Variants in UBA3 observed in about 807,000 individuals in gnomAD.
UBA3 encodes ubiquitin like modifier activating enzyme 3.
UBA3 carries 26 observed loss-of-function variants against 73.5 expected under a neutral mutation model. That is an observed-to-expected ratio of 0.35 (90% CI 0.26 to 0.49). UBA3 has a LOEUF of 0.49. Ranked by LOEUF, UBA3 falls within the 20% of genes least tolerant of loss-of-function variation. The probability of loss-of-function intolerance (pLI) is 0.98; values close to 1 mark genes in which losing one functional copy is unlikely to be tolerated. For missense variants in UBA3, 495 were observed against 555.6 expected (o/e 0.89, Z 1.10); for synonymous variants, 217 against 191.2 (o/e 1.13, Z -1.11).
At chr3:69,063,169 G>A in intron 8 of UBA3, 32 bp from the exon 9 acceptor site, 3 of 1,610,134 alleles carry the variant, frequency 1.9e-6, no homozygotes, top group Non-Finnish European at 2.5e-6. Context: ...CTTTAAAGGA[G>A]AAGGGGATAA....
At chr3:69,077,666 T>G (rs1302110617) in intron 3 of UBA3, 132 bp downstream of exon 3, 1 of 980,430 alleles carries the variant, frequency 1.0e-6, no homozygotes, top group Non-Finnish European at 1.4e-6. Context: ...TCTCATATTT[T>G]AAGAAAAATT....
intron 11 of UBA3, among the ~76,000 whole-genome samples, chr3:69,060,935 G>C (rs1357247619): frequency 6.6e-6 from 1 of 152,218 alleles, no homozygotes; most frequent in African/African-American, 2.4e-5. Flanking sequence ...AAGCCAAGCA[G>C]ATGCTTTTGC....
rs781725451 is a variant in UBA3 at position 69,062,061 on chromosome 3, A to C, written c.796+16T>G. 2.3e-5 allele frequency: 35 copies of C among 1,533,374 alleles called. No individual in the cohort carries two copies. The highest frequency in any genetic ancestry group is 1.3e-5 in the Non-Finnish European group (15 of 1,119,930). 95.0% of individuals were successfully genotyped at this position (1,533,374 alleles called of 1,614,324 possible). ...GTATTTTATGTAATTCTAGATTATT[A>C]AATTAGGTTTATTACCTCCAAAAGG... On this transcript the variant is annotated intron_variant, in intron 10 of 17. Coordinates refer to ENST00000361055, the MANE Select transcript of UBA3 (RefSeq NM_003968.4).
chr3:69,071,075 A>G (rs557528333), intron 5 of UBA3: 1 of 158,198 alleles, frequency 6.3e-6, no homozygotes, highest in East Asian at 1.9e-4. Flanking sequence ...TCGACTTTCC[A>G]TTTTCTTTCC....
chr3:69,063,355 CA>C, intron 8 of UBA3, 83 bp downstream of exon 8: 1 of 1,424,472 alleles, frequency 7.0e-7, no homozygotes, highest in South Asian at 1.3e-5. Flanking sequence ...TCTGATTTTT[CA>C]AAAATATATC....
intron 5 of UBA3, chr3:69,071,267 G>A (rs972834777): frequency 6.5e-6 from 2 of 305,710 alleles, no homozygotes; most frequent in African/African-American, 4.6e-5. Context: ...GTTAACCTGA[G>A]GATATTCCCA....
At chr3:69,071,214 A>C (rs1480816196) in intron 5 of UBA3, 1 of 219,212 alleles carries the variant, frequency 4.6e-6, no homozygotes, top group Non-Finnish European at 8.9e-6. Flanking sequence ...TTCTGACATC[A>C]ACTGGAGGAA....
intron 4 of UBA3, among the ~76,000 whole-genome samples, chr3:69,073,009 G>A (rs1287104065): frequency 2.0e-5 from 3 of 151,814 alleles, no homozygotes; most frequent in Admixed American, 6.5e-5. Context: ...TTCAAGTCAC[G>A]TTGTCTCTTG....
chr3:69,056,584 T>C, intron 14 of UBA3, 28 bp downstream of exon 14: 1 of 1,554,598 alleles, frequency 6.4e-7, no homozygotes, highest in South Asian at 1.2e-5. Flanking sequence ...ATATGCATGA[T>C]CAAAAATGTG....
chr3:69,056,044 T>C lies in UBA3; in HGVS notation c.1204A>G (p.Ile402Val). ...SASLQMKSPA[I>V]TATLEGKNRT... ...TTTTTTCCCTCTAGGGTGGCTGTGA[T>C]GGCTGGAGATTTCATTTGCCTAAAG... Residue 402 changes from isoleucine (I) to valine (V), a missense_variant, in exon 16 of 18, where the codon ATC becomes GTC. Ile to Val is a conservative substitution (Grantham distance 29, BLOSUM62 3). Transcript: ENST00000361055. The C allele has an allele frequency of 6.2e-7, 1 of 1,604,474 alleles. No homozygotes were observed. Among genetic ancestry groups the C allele is most frequent in the Non-Finnish European group, 8.5e-7 (1 of 1,177,426 alleles).
chr3:69,078,302 T>C (rs2092185682), intron 2 of UBA3, among the ~76,000 whole-genome samples: 1 of 152,116 alleles, frequency 6.6e-6, no homozygotes, highest in Non-Finnish European at 1.5e-5. Context: ...CACACTTGCA[T>C]TAGGAAATAT....
At chr3:69,064,382 C>T (rs958235180) in intron 6 of UBA3, among the ~76,000 whole-genome samples, 39 of 152,162 alleles carry the variant, frequency 2.6e-4, no homozygotes, top group African/African-American at 9.4e-4. Flanking sequence ...ATACTTTCTA[C>T]TTTGCTTTGG....
At chr3:69,080,219 GC>G in intron 1 of UBA3, 66 bp from the exon 2 acceptor site, 8 of 1,490,078 alleles carry the variant, frequency 5.4e-6, no homozygotes, top group Admixed American at 3.9e-5. Flanking sequence ...GGGGAGGGGG[GC>G]GAGGGGACGG....
intron 11 of UBA3, among the ~76,000 whole-genome samples, chr3:69,058,257 T>C (rs919645275): frequency 2.6e-5 from 4 of 152,180 alleles, no homozygotes; most frequent in Non-Finnish European, 4.4e-5. Flanking sequence ...AAGCCTCACC[T>C]TAAACCATTT....
At chr3:69,067,592 A>T (rs2092084359) in intron 6 of UBA3, among the ~76,000 whole-genome samples, 1 of 152,200 alleles carries the variant, frequency 6.6e-6, no homozygotes, top group Non-Finnish European at 1.5e-5. Context: ...TAAAGAAACA[A>T]AGATTAATTG....
intron 3 of UBA3, among the ~76,000 whole-genome samples, chr3:69,076,128 G>A (rs1294402605): frequency 6.6e-6 from 1 of 152,128 alleles, no homozygotes; most frequent in African/African-American, 2.4e-5. Context: ...TTTGCAAAGG[G>A]ATAGAGAACA....
chr3:69,059,322 CTGTT>C (rs2092002554), intron 11 of UBA3, among the ~76,000 whole-genome samples: 1 of 152,148 alleles, frequency 6.6e-6, no homozygotes. Flanking sequence ...GAAGAAAAAG[CTGTT>C]TGTAAACAGC....
In UBA3 at chr3:69,056,206, A is replaced by G. The variant is rs1037267294; in HGVS notation, c.1161T>C (p.Asp387=). Residue 387 remains aspartate, a synonymous_variant, in exon 15 of 18, where the codon GAT becomes GAC. Coordinates refer to ENST00000361055, the MANE Select transcript of UBA3 (RefSeq NM_003968.4). ...ACAGAGAAGCACTATTGGTTAGATA[A>G]TCCAAAACCTCCTGTAGTTTAGCTG... ...SPSAKLQEVL[D]YLTNSASLQM... 3.1e-6 allele frequency: 5 copies of G among 1,597,532 alleles called. No homozygotes were observed. Among genetic ancestry groups the G allele is most frequent in the Non-Finnish European group, 4.3e-6 (5 of 1,175,484 alleles).
intron 3 of UBA3, chr3:69,077,234 A>C (rs2092175714): frequency 6.6e-6 from 1 of 151,916 alleles, no homozygotes; most frequent in African/African-American, 2.4e-5. Context: ...CAATATTTCT[A>C]TTTCAAAATA....
Sources: gnomAD v4.1 joint callset for allele counts (sites outside exome capture counted in the v4.1 genomes callset) on GRCh38, gnomAD v4.1.1 for gene constraint, MANE v1.5 for transcripts, NCBI Gene and HGNC (gene_info 2026-07-23, HGNC 2026-07-21) for gene names.